The following CSGALNACT1 variants were observed in gnomAD, a reference collection of about 807,000 sequenced individuals.
CSGALNACT1 encodes the protein chondroitin sulfate N-acetylgalactosaminyltransferase 1, also known as beta4GalNAcT-1.
A neutral mutation model predicts 51.0 loss-of-function variants in CSGALNACT1; 52 were observed. The ratio of observed to expected loss-of-function variants is 1.02; its 90% confidence interval spans 0.82 to 1.29. The LOEUF (loss-of-function observed/expected upper bound fraction) is 1.29, where lower values mean the gene tolerates loss of function less well. Ranked by LOEUF, CSGALNACT1 falls within the 50% of genes most tolerant of loss-of-function variation. The probability of loss-of-function intolerance (pLI) is 0.00; values close to 1 mark genes in which losing one functional copy is unlikely to be tolerated. For synonymous variants in CSGALNACT1, 341 were observed against 254.4 expected, an observed-to-expected ratio of 1.34 and a Z score of -3.24; for missense variants, 935 against 679.2, an observed-to-expected ratio of 1.38 and a Z score of -4.19.
chr8:19,521,831 G>A (rs2080789165), intron 3 of CSGALNACT1, among the ~76,000 whole-genome samples: 1 of 152,342 alleles, frequency 6.6e-6, no homozygotes, highest in Middle Eastern at 3.4e-3. Flanking sequence ...GAAGATAAGA[G>A]AGGGGGACTT....
At chr8:19,611,830 G>GA (rs1021354306) in intron 1 of CSGALNACT1, among the ~76,000 whole-genome samples, 2 of 151,642 alleles carry the variant, frequency 1.3e-5, no homozygotes, top group Admixed American at 6.6e-5. Context: ...ATTATGGGAG[G>GA]AAAAAAAATA....
At chr8:19,539,235 G>T (rs1270295502) in intron 3 of CSGALNACT1, among the ~76,000 whole-genome samples, 1 of 152,146 alleles carries the variant, frequency 6.6e-6, no homozygotes, top group African/African-American at 2.4e-5. Context: ...CAAACTTGCA[G>T]TACACAATAT....
chr8:19,668,395 CTTTG>C (rs1258536416), intron 1 of CSGALNACT1, among the ~76,000 whole-genome samples: 1 of 152,050 alleles, frequency 6.6e-6, no homozygotes, highest in African/African-American at 2.4e-5. Context: ...CCACATGAGC[CTTTG>C]TTTTTGTAAT....
intron 6 of CSGALNACT1, among the ~76,000 whole-genome samples, chr8:19,423,675 T>C (rs535841382): frequency 6.6e-6 from 1 of 152,096 alleles, no homozygotes; most frequent in Non-Finnish European, 1.5e-5. Flanking sequence ...AAAATGTAAA[T>C]CCCTATGCTT....
At chr8:19,725,937 C>T (rs983471379) in intron 1 of CSGALNACT1, among the ~76,000 whole-genome samples, 2 of 152,266 alleles carry the variant, frequency 1.3e-5, no homozygotes, top group African/African-American at 2.4e-5. Flanking sequence ...GCTTCACTCT[C>T]GGTATTGTAC....
chr8:19,405,596 C>A (rs1464619569), exon 10 of CSGALNACT1: 2 of 834,450 alleles, frequency 2.4e-6, no homozygotes, highest in Non-Finnish European at 3.9e-6. Context: ...CTTTTGCAGG[C>A]AAAGCGGAGA....
intron 3 of CSGALNACT1, among the ~76,000 whole-genome samples, chr8:19,533,420 T>C (rs2083165981): frequency 6.6e-6 from 1 of 152,082 alleles, no homozygotes; most frequent in Non-Finnish European, 1.5e-5. Context: ...TGAGTCCCTA[T>C]TTTTAATTTA....
intron 1 of CSGALNACT1, among the ~76,000 whole-genome samples, chr8:19,643,804 T>C (rs750470101): frequency 1.2e-4 from 18 of 152,232 alleles, no homozygotes; most frequent in African/African-American, 2.4e-5. Flanking sequence ...TTGGAGAATA[T>C]TGAGTCCAGG....
At chr8:19,500,756 G>C (rs965749896) in intron 4 of CSGALNACT1, among the ~76,000 whole-genome samples, 1 of 152,180 alleles carries the variant, frequency 6.6e-6, no homozygotes, top group Non-Finnish European at 1.5e-5. Flanking sequence ...GCTTTAAAAC[G>C]TATCTCAAGG....
rs183812162 is a variant in CSGALNACT1, at chr8:19,593,620, T to C, written c.-415-2342A>G. Among the ~76,000 whole-genome samples the C allele has an allele frequency of 1.5e-3, 230 of 152,334 alleles. 2 individuals are homozygous for C. In the South Asian group the frequency reaches 0.024, roughly 16 times the overall value. ...TTGTTCTTTTGAGGAAGTCTGTAGATTTCTTTACAGGGTATGAATAACATC... is the reference window on the plus strand; with the variant it reads ...TTGTTCTTTTGAGGAAGTCTGTAGACTTCTTTACAGGGTATGAATAACATC... On this transcript the variant is annotated intron_variant, in intron 2 of 9. Transcript: ENST00000454498.
chr8:19,536,684 CAA>C (rs1315033236), intron 3 of CSGALNACT1, among the ~76,000 whole-genome samples: 1 of 152,030 alleles, frequency 6.6e-6, no homozygotes, highest in East Asian at 1.9e-4. Context: ...CGTAAGAAAG[CAA>C]AAGAGCTAGA....
chr8:19,640,552 C>A (rs1398794744), intron 1 of CSGALNACT1, among the ~76,000 whole-genome samples: 1 of 152,188 alleles, frequency 6.6e-6, no homozygotes, highest in Non-Finnish European at 1.5e-5. Flanking sequence ...TGGACTCAAA[C>A]TCAAAATCAG....
At chr8:19,464,594 GAGA>G (rs1266382599) in intron 4 of CSGALNACT1, among the ~76,000 whole-genome samples, 7 of 152,124 alleles carry the variant, frequency 4.6e-5, no homozygotes, top group African/African-American at 1.7e-4. Flanking sequence ...CTGTGCTGCC[GAGA>G]AGGAGGGGAG....
At chr8:19,603,115 A>AT (rs2050804170), upstream of CSGALNACT1, among the ~76,000 whole-genome samples, 2 of 136,834 alleles carry the variant, frequency 1.5e-5, no homozygotes, top group African/African-American at 6.3e-5. Flanking sequence ...ACATGCAGGA[A>AT]TTAAAAAAAA....
chr8:19,631,933 A>T (rs899627407), intron 1 of CSGALNACT1, among the ~76,000 whole-genome samples: 2 of 152,140 alleles, frequency 1.3e-5, no homozygotes, highest in Admixed American at 6.5e-5. Flanking sequence ...GTTCTCTCAC[A>T]TTTTTTATGC....
chr8:19,746,472 A>G (rs1302140912), intron 1 of CSGALNACT1, among the ~76,000 whole-genome samples: 1 of 152,192 alleles, frequency 6.6e-6, no homozygotes, highest in Non-Finnish European at 1.5e-5. Context: ...ATTCTCAACA[A>G]CATCATTCAT....
chr8:19,722,865 A>G (rs1410996513), intron 1 of CSGALNACT1, among the ~76,000 whole-genome samples: 2 of 152,260 alleles, frequency 1.3e-5, no homozygotes, highest in Non-Finnish European at 2.9e-5. Context: ...AAAGCCCAGC[A>G]AATATCAGAA....
At chr8:19,545,836 G>A (rs1563987531) in intron 3 of CSGALNACT1, among the ~76,000 whole-genome samples, 3 of 147,830 alleles carry the variant, frequency 2.0e-5, no homozygotes, top group Admixed American at 1.4e-4. Context: ...CATATATTAT[G>A]TATATATAAT....
intron 1 of CSGALNACT1, among the ~76,000 whole-genome samples, chr8:19,623,600 T>G (rs1045482122): frequency 2.6e-5 from 4 of 152,214 alleles, no homozygotes; most frequent in Non-Finnish European, 1.5e-5. Context: ...CAGAAAGCAG[T>G]ACTTAACAAA....
Sources: gnomAD v4.1 joint callset for allele counts (sites outside exome capture counted in the v4.1 genomes callset) on GRCh38, gnomAD v4.1.1 for gene constraint, MANE v1.5 for transcripts, NCBI Gene and HGNC (gene_info 2026-07-23, HGNC 2026-07-21) for gene names.